Variants in RPS6KA2 observed in about 807,000 individuals in gnomAD.
The protein encoded by RPS6KA2 is ribosomal protein S6 kinase alpha-2.
RPS6KA2 carries 42 observed loss-of-function variants against 91.8 expected under a neutral mutation model. That is an observed-to-expected ratio of 0.46 (90% CI 0.36 to 0.59). The LOEUF is 0.59. Among genes scored for constraint, RPS6KA2 ranks in the 20% least tolerant of loss-of-function variants. RPS6KA2 has a pLI of 0.00. For missense variants in RPS6KA2, 798 were observed against 978.5 expected, an observed-to-expected ratio of 0.82 and a Z score of 2.46; for synonymous variants, 414 against 393.6, an observed-to-expected ratio of 1.05 and a Z score of -0.61.
Position 166,625,322 on chromosome 6 carries a change from CACCCCCCCA to C in RPS6KA2, c.99+1590_99+1598del, listed in dbSNP as rs1220629121. The stretch of plus-strand genomic sequence containing the variant: ...AAGAAACCTCGTTTCCTATTCCCAC[CACCCCCCCA>C]CCCCCCCCCCCGCTTGTTTCCCACT... On this transcript the variant is annotated intron_variant, in intron 1 of 20. Transcript: ENST00000265678. Among the ~76,000 whole-genome samples, 11 of 49,408 alleles carry C rather than the reference CACCCCCCCA, an allele frequency of 2.2e-4. No homozygotes were observed. In the East Asian group the frequency reaches 6.2e-3, roughly 28 times the overall value. 32.4% of individuals were successfully genotyped at this position (49,408 alleles called of 152,430 possible).
chr6:166,467,972 G>A (rs866022349), intron 11 of RPS6KA2, among the ~76,000 whole-genome samples: 179 of 152,386 alleles, frequency 1.2e-3, no homozygotes, highest in African/African-American at 4.1e-3. Flanking sequence ...AGGCAGGGGA[G>A]GGGATGCAAC....
In RPS6KA2 at chr6:166,460,208, G is replaced by T. The variant is rs568457094; in HGVS notation, c.973-657C>A. On this transcript the variant is annotated intron_variant, in intron 11 of 20. Transcript: ENST00000265678. ...ACCGGCCCTTCCCATGCCCCCTCTGGGCCCAAACTTATTTCCCCAACAGGA... is the reference window on the plus strand; with the variant it reads ...ACCGGCCCTTCCCATGCCCCCTCTGTGCCCAAACTTATTTCCCCAACAGGA... 2.0e-5 allele frequency among the ~76,000 whole-genome samples: 3 copies of T among 152,296 alleles called. No homozygotes were observed. The East Asian group carries it at 5.8e-4, about 29-fold the overall frequency.
At chr6:166,647,825 C>T (rs1158418293) in intron 2 of RPS6KA2, among the ~76,000 whole-genome samples, 1 of 133,310 alleles carries the variant, frequency 7.5e-6, no homozygotes, top group African/African-American at 2.6e-5. Context: ...TGCTCACACA[C>T]ATGCACATGC....
At chr6:166,549,596 G>A (rs1301401740) in intron 1 of RPS6KA2, among the ~76,000 whole-genome samples, 1 of 152,142 alleles carries the variant, frequency 6.6e-6, no homozygotes, top group African/African-American at 2.4e-5. Context: ...TTTTTGAAAT[G>A]CAAAATTATA....
chr6:166,816,954 G>A (rs35658801), intron 2 of RPS6KA2, among the ~76,000 whole-genome samples: 2 of 151,802 alleles, frequency 1.3e-5, no homozygotes, highest in African/African-American at 4.8e-5. Context: ...CTCTCACTCC[G>A]AGTCCACGCC....
At position 166,648,958 on chromosome 6, in the gene RPS6KA2, CCTA is replaced by C. The variant is rs1409546766; in HGVS notation, c.124-110177_124-110175del. Among the ~76,000 whole-genome samples the C allele has an allele frequency of 6.6e-6, 1 of 152,158 alleles. No homozygotes were observed. Among genetic ancestry groups the C allele is most frequent in the Non-Finnish European group, 1.5e-5 (1 of 68,014 alleles). Reference sequence around the variant, plus strand: ...AAGGCCACTGGCACCTCATGCCAGCCCTACTAATGGGCTCCTTCCTTCGCCCCT... The same window carrying C: ...AAGGCCACTGGCACCTCATGCCAGCCCTAATGGGCTCCTTCCTTCGCCCCT... On this transcript the variant is annotated intron_variant, in intron 2 of 21. Coordinates refer to the RPS6KA2 transcript ENST00000503859. This position sits in a 1 kb window ranked among gnomAD's most constrained non-coding sequence, Gnocchi z 4.8.
intron 2 of RPS6KA2, among the ~76,000 whole-genome samples, chr6:166,537,519 T>C (rs1174547182): frequency 6.6e-6 from 1 of 152,248 alleles, no homozygotes. Flanking sequence ...TTTCCTATGG[T>C]TTAATCTAAC....
At chr6:166,713,046 T>A (rs764007944) in intron 2 of RPS6KA2, among the ~76,000 whole-genome samples, 4 of 152,194 alleles carry the variant, frequency 2.6e-5, no homozygotes, top group Non-Finnish European at 5.9e-5. Context: ...AAATGACACG[T>A]CTGTCCCTGG....
intron 2 of RPS6KA2, among the ~76,000 whole-genome samples, chr6:166,830,363 CAG>C (rs1313954654): frequency 5.3e-5 from 8 of 152,116 alleles, no homozygotes; most frequent in African/African-American, 1.9e-4. Flanking sequence ...AAGTGGAGAA[CAG>C]AGAGTTGGTT....
intron 1 of RPS6KA2, among the ~76,000 whole-genome samples, chr6:166,621,818 G>T (rs1385135169): frequency 6.6e-6 from 1 of 152,158 alleles, no homozygotes; most frequent in African/African-American, 2.4e-5. Flanking sequence ...CACATCTCTG[G>T]TTGACCCGAA....
At chr6:166,652,751 G>C (rs78812499) in intron 2 of RPS6KA2, among the ~76,000 whole-genome samples, 4 of 151,978 alleles carry the variant, frequency 2.6e-5, no homozygotes, top group Admixed American at 2.6e-4. Flanking sequence ...GAAGAGATGC[G>C]GGTAGTGGTG....
chr6:166,693,689 T>A (rs1036633685), intron 2 of RPS6KA2, among the ~76,000 whole-genome samples: 1 of 152,234 alleles, frequency 6.6e-6, no homozygotes, highest in Non-Finnish European at 1.5e-5. Context: ...GTTTGCATCC[T>A]TGTGAATACA....
chr6:166,616,509 C>T (rs1227779942), intron 1 of RPS6KA2, among the ~76,000 whole-genome samples: 1 of 152,212 alleles, frequency 6.6e-6, no homozygotes, highest in Non-Finnish European at 1.5e-5. Context: ...GGTACAGTTG[C>T]GGACAGCTCC....
intron 10 of RPS6KA2, among the ~76,000 whole-genome samples, chr6:166,472,080 G>A (rs1211562600): frequency 6.6e-6 from 1 of 152,196 alleles, no homozygotes; most frequent in African/African-American, 2.4e-5. Flanking sequence ...TTCTGGTCAC[G>A]ATGATTAACA....
rs1778342258 is a variant in RPS6KA2, at chr6:166,767,425, T to C, written c.123+90775A>G. Among the ~76,000 whole-genome samples, 1 of 152,126 alleles carries C rather than the reference T, an allele frequency of 6.6e-6. No individual in the cohort carries two copies. Among genetic ancestry groups the C allele is most frequent in the African/African-American group, 2.4e-5 (1 of 41,426 alleles). On this transcript the variant is annotated intron_variant, in intron 2 of 21. Coordinates refer to the RPS6KA2 transcript ENST00000503859. The surrounding 1 kb of genome is among the most constrained non-coding windows in gnomAD (Gnocchi z 4.6). The stretch of plus-strand genomic sequence containing the variant: ...TGCGGTCCAGAGGTGAAAGCGTGGT[T>C]AGAGGAAGACAAAAAGGACAGAGAA...
chr6:166,636,765 C>T (rs377226427), intron 2 of RPS6KA2, among the ~76,000 whole-genome samples: 4 of 152,052 alleles, frequency 2.6e-5, no homozygotes, highest in Admixed American at 2.0e-4. Context: ...AGGGTGTGGC[C>T]GAAGGGAAGT....
rs372929768 is a variant in RPS6KA2 at position 166,656,772 on chromosome 6, C to T, written c.124-117988G>A. ...TGTGGAAAAGGGAGGATGGGAAGGG[C>T]CCCGATCCCCAGCCCCTGGCTCAGG... On this transcript the variant is annotated intron_variant, in intron 2 of 21. Coordinates refer to the RPS6KA2 transcript ENST00000503859. Among the ~76,000 whole-genome samples, 14 of 152,336 alleles carry T rather than the reference C, an allele frequency of 9.2e-5. No individual in the cohort carries two copies. The East Asian group carries it at 2.3e-3, about 25-fold the overall frequency.
chr6:166,854,041 G>A (rs951279446), intron 2 of RPS6KA2, among the ~76,000 whole-genome samples: 6 of 152,214 alleles, frequency 3.9e-5, no homozygotes, highest in African/African-American at 1.4e-4. Context: ...AATCTGCTGG[G>A]TTTTGTGGTT....
At chr6:166,591,445 G>C (rs1046213682) in intron 1 of RPS6KA2, among the ~76,000 whole-genome samples, 1 of 152,202 alleles carries the variant, frequency 6.6e-6, no homozygotes, top group African/African-American at 2.4e-5. Context: ...TTGGAAACAG[G>C]ATCACTGCAA....
Sources: allele counts gnomAD v4.1 joint callset (sites outside exome capture counted in the v4.1 genomes callset), GRCh38; gene constraint gnomAD v4.1.1; non-coding constraint Gnocchi (gnomAD v3.1); transcripts MANE v1.5; gene names NCBI Gene and HGNC (gene_info 2026-07-23, HGNC 2026-07-21).